The following TSACC variants were observed in gnomAD, a reference collection of about 807,000 sequenced individuals.
TSACC encodes TSSK6-activating co-chaperone protein.
Under a neutral mutation model 6.9 loss-of-function variants are expected in TSACC, and 3 were observed. The ratio of observed to expected loss-of-function variants is 0.43; its 90% CI spans 0.20 to 1.12. TSACC has a LOEUF of 1.12. TSACC is among the 50% of genes most tolerant of loss of function. TSACC has a pLI of 0.28. For synonymous variants in TSACC, 54 were observed against 55.1 expected (o/e 0.98, Z 0.09); for missense variants, 137 against 143.9 (o/e 0.95, Z 0.24).
chr1:156,338,082 G>A (rs576345432), upstream of TSACC: 3 of 1,511,326 alleles, frequency 2.0e-6, no homozygotes, highest in African/African-American at 4.1e-5. Flanking sequence ...GGACGGAGCT[G>A]GGGCAACACT....
At chr1:156,341,426 C>T (rs570542974) in intron 2 of TSACC, among the ~76,000 whole-genome samples, 2 of 152,290 alleles carry the variant, frequency 1.3e-5, no homozygotes, top group African/African-American at 4.8e-5. Flanking sequence ...TGTGCTTGAT[C>T]ACCTAATGAC....
At chr1:156,346,524 A>G (rs944322454) in intron 3 of TSACC, among the ~76,000 whole-genome samples, 1 of 152,158 alleles carries the variant, frequency 6.6e-6, no homozygotes, top group African/African-American at 2.4e-5. Context: ...CCATATGACC[A>G]TAAATATTAT....
intron 2 of TSACC, among the ~76,000 whole-genome samples, chr1:156,341,270 T>C (rs931816806): frequency 6.6e-6 from 1 of 152,196 alleles, no homozygotes; most frequent in African/African-American, 2.4e-5. Context: ...GCCACACATA[T>C]CAACTGTGGA....
chr1:156,346,647 G>A, intron 3 of TSACC, 121 bp from the exon 4 acceptor site: 2 of 897,262 alleles, frequency 2.2e-6, no homozygotes, highest in Non-Finnish European at 3.6e-6. Flanking sequence ...AGGTATGTCT[G>A]GGTTGGGTTG....
Position 156,341,472 on chromosome 1 carries a change from A to G in TSACC, c.34+1681A>G, listed in dbSNP as rs576912385. Among the ~76,000 whole-genome samples the G allele has an allele frequency of 1.9e-3, 287 of 152,334 alleles. 1 individual carries two copies. The highest frequency in any genetic ancestry group is 3.2e-3 in the Non-Finnish European group (215 of 68,018). On this transcript the variant is annotated intron_variant, in intron 2 of 3. Transcript: ENST00000368254. Reference sequence around the variant, plus strand: ...GCAAGACTATCAGTTCCAGGAGAGTAGTGACCACATCTGTTTAGCAGACTG... The same window carrying G: ...GCAAGACTATCAGTTCCAGGAGAGTGGTGACCACATCTGTTTAGCAGACTG...
upstream of TSACC, chr1:156,338,203 C>T (rs2101690264): frequency 1.3e-6 from 2 of 1,584,112 alleles, no homozygotes; most frequent in African/African-American, 1.3e-5. Context: ...GATGCAGAGC[C>T]GGGTACCCAG....
upstream of TSACC, chr1:156,338,299 A>G (rs927510965): frequency 3.0e-6 from 3 of 985,024 alleles, no homozygotes; most frequent in Non-Finnish European, 4.7e-6. Context: ...TTACACCTCA[A>G]CCCGCTACTC....
upstream of TSACC, chr1:156,338,051 C>G (rs950349319): frequency 1.6e-6 from 2 of 1,273,792 alleles, no homozygotes; most frequent in African/African-American, 2.9e-5. Context: ...GATTGGAAGG[C>G]TCAGTGGCCC....
At chr1:156,339,158 G>T (rs1259969098) in intron 1 of TSACC, among the ~76,000 whole-genome samples, 1 of 152,086 alleles carries the variant, frequency 6.6e-6, no homozygotes, top group Non-Finnish European at 1.5e-5. Context: ...CAGCTACTCA[G>T]GAGGCTGAGG....
upstream of TSACC, chr1:156,338,265 C>T (rs1665549711): frequency 6.9e-7 from 1 of 1,450,888 alleles, no homozygotes; most frequent in Non-Finnish European, 9.5e-7. Flanking sequence ...GACAGAAGCC[C>T]AGAAAACGCT....
At chr1:156,338,256 A>C (rs1241793425), upstream of TSACC, 2 of 1,506,028 alleles carry the variant, frequency 1.3e-6, no homozygotes, top group African/African-American at 2.7e-5. Flanking sequence ...AGAGAACCAG[A>C]CAGAAGCCCA....
intron 2 of TSACC, among the ~76,000 whole-genome samples, chr1:156,341,540 CATATA>C (rs1181869339): frequency 6.6e-6 from 1 of 152,140 alleles, no homozygotes; most frequent in Non-Finnish European, 1.5e-5. Flanking sequence ...TTGTGAGAAA[CATATA>C]AGAGAATGTA....
intron 2 of TSACC, among the ~76,000 whole-genome samples, chr1:156,342,079 GAAAGA>G (rs1341396655): frequency 3.4e-5 from 5 of 146,204 alleles, no homozygotes; most frequent in African/African-American, 1.3e-4. Context: ...AAAAAAAAAA[GAAAGA>G]AAAAAAAATG....
chr1:156,340,152 G>A (rs1665780726), intron 2 of TSACC, among the ~76,000 whole-genome samples: 1 of 152,074 alleles, frequency 6.6e-6, no homozygotes, highest in Admixed American at 6.6e-5. Flanking sequence ...CCATTCCATA[G>A]CCTGGACATA....
chr1:156,344,819 C>T (rs576173081), intron 3 of TSACC, 111 bp downstream of exon 3: 373 of 1,320,692 alleles, frequency 2.8e-4, no homozygotes, highest in Middle Eastern at 4.5e-4. Flanking sequence ...TGTTAGGCAT[C>T]TATAGATCTT....
chr1:156,339,609 G>T, intron 1 of TSACC, 25 bp from the exon 2 acceptor site: 1 of 897,996 alleles, frequency 1.1e-6, no homozygotes, highest in South Asian at 1.7e-5. Context: ...CCATGAAATA[G>T]AGTTTCCTAC....
chr1:156,339,632 A>C lies in TSACC; in HGVS notation c.-124-2A>C. ...TAGAGTTTCCTACTTTTTCCTCTGC[A>C]GATTGGAACAGGCTGAGATCTGCTG... On this transcript the variant is annotated splice_acceptor_variant, in intron 1 of 3. Coordinates refer to ENST00000368254, the MANE Select transcript of TSACC (RefSeq NM_001304817.2). LOFTEE classifies it low-confidence loss of function (5UTR_SPLICE). 1.7e-6 allele frequency: 2 copies of C among 1,194,058 alleles called. No individual in the cohort carries two copies. Among genetic ancestry groups the C allele is most frequent in the Non-Finnish European group, 2.4e-6 (2 of 839,506 alleles). The allele number at this position is 1,194,058 out of a possible 1,614,324, so 74.0% of individuals were successfully genotyped here.
rs745316310 is a variant in TSACC at position 156,346,779 on chromosome 1, C to T, written c.175C>T (p.Pro59Ser). 1.4e-5 allele frequency: 22 copies of T among 1,614,072 alleles called. No individual in the cohort carries two copies. In the Admixed American group the frequency reaches 2.0e-4, roughly 15 times the overall value. ...TTTTCCTTCTGGAGTTGATCACAAG[C>T]CCAAGGAATGCCTAGGACTCCTGGA... ...TTKLPSVDHK[P>S]KECLGLLECM... Residue 59 changes from proline to serine, a missense_variant, in exon 4 of 4, where the codon CCC (proline) becomes TCC (serine). Physicochemically the swap from Pro to Ser is moderately conservative, Grantham distance 74. Coordinates refer to ENST00000368254, the MANE Select transcript of TSACC (RefSeq NM_001304817.2).
At chr1:156,338,383 C>T, upstream of TSACC, 2 of 589,634 alleles carry the variant, frequency 3.4e-6, no homozygotes, top group South Asian at 4.1e-5. Context: ...GCCTTAGTCC[C>T]GCCCCCTACG....
Sources: gnomAD v4.1 joint callset for allele counts (sites outside exome capture counted in the v4.1 genomes callset) on GRCh38, gnomAD v4.1.1 for gene constraint, MANE v1.5 for transcripts, NCBI Gene and HGNC (gene_info 2026-07-23, HGNC 2026-07-21) for gene names.